EFNA5: variants seen among roughly 807,000 people sequenced by gnomAD.
EFNA5 encodes ephrin-A5.
A neutral mutation model predicts 22.9 loss-of-function variants in EFNA5; 5 were observed. That is an observed-to-expected ratio of 0.22 (90% CI 0.11 to 0.46). EFNA5 has a LOEUF of 0.46. Ranked by LOEUF, EFNA5 falls within the 20% of genes least tolerant of loss-of-function variation. The pLI, the probability that EFNA5 is intolerant of heterozygous loss-of-function variation, is 0.99. For synonymous variants in EFNA5, 113 were observed against 112.2 expected (o/e 1.01, Z -0.04); for missense variants, 237 against 293.3 (o/e 0.81, Z 1.40).
intron 1 of EFNA5, among the ~76,000 whole-genome samples, chr5:107,443,709 G>A (rs974903740): frequency 5.3e-5 from 8 of 152,076 alleles, no homozygotes; most frequent in African/African-American, 7.2e-5. Flanking sequence ...GGGGACTGTC[G>A]GGGGTTGGGT....
chr5:107,631,996 G>T (rs1454394365), intron 1 of EFNA5, among the ~76,000 whole-genome samples: 1 of 152,214 alleles, frequency 6.6e-6, no homozygotes, highest in Admixed American at 6.5e-5. Context: ...ACAGACAGAT[G>T]CTGGCCACAC....
At chr5:107,587,251 T>C (rs1227156800) in intron 1 of EFNA5, among the ~76,000 whole-genome samples, 1 of 152,144 alleles carries the variant, frequency 6.6e-6, no homozygotes, top group Non-Finnish European at 1.5e-5. Flanking sequence ...CTCCTGTCCT[T>C]GTCTCCTCCT....
At chr5:107,576,513 T>A (rs1343607904) in intron 1 of EFNA5, among the ~76,000 whole-genome samples, 1 of 152,168 alleles carries the variant, frequency 6.6e-6, no homozygotes. Flanking sequence ...AAAAAATCCA[T>A]CATCAGGAAC....
chr5:107,440,521 T>C (rs1032981331), intron 1 of EFNA5, among the ~76,000 whole-genome samples: 3 of 152,200 alleles, frequency 2.0e-5, no homozygotes, highest in African/African-American at 7.2e-5. Context: ...GCAAGGTTAA[T>C]GTCAAGACAC....
intron 1 of EFNA5, among the ~76,000 whole-genome samples, chr5:107,553,458 C>T (rs754849041): frequency 1.1e-4 from 17 of 152,192 alleles, no homozygotes; most frequent in Admixed American, 2.0e-4. Flanking sequence ...GCCACAGTCA[C>T]GCCAGGGAAG....
chr5:107,605,643 CT>C (rs1438278156), intron 1 of EFNA5, among the ~76,000 whole-genome samples: 4 of 151,696 alleles, frequency 2.6e-5, no homozygotes, highest in South Asian at 4.2e-4. Flanking sequence ...GCACCTTTCT[CT>C]TTTTTTGGGG....
intron 1 of EFNA5, among the ~76,000 whole-genome samples, chr5:107,468,549 C>T (rs960134383): frequency 1.3e-5 from 2 of 152,186 alleles, no homozygotes; most frequent in African/African-American, 4.8e-5. Flanking sequence ...GGAGGCACTC[C>T]TAGCCTGGAG....
intron 4 of EFNA5, among the ~76,000 whole-genome samples, chr5:107,384,639 T>C (rs1244586701): frequency 6.6e-6 from 1 of 152,112 alleles, no homozygotes; most frequent in Non-Finnish European, 1.5e-5. Flanking sequence ...AGAGACAGAA[T>C]CTTGCTCTGT....
intron 1 of EFNA5, among the ~76,000 whole-genome samples, chr5:107,433,186 T>C (rs1372385155): frequency 6.6e-6 from 1 of 152,182 alleles, no homozygotes; most frequent in Non-Finnish European, 1.5e-5. Context: ...CCTCCCACAT[T>C]GTTCAAGGAT....
At chr5:107,397,229 C>T (rs960938457) in intron 2 of EFNA5, among the ~76,000 whole-genome samples, 4 of 152,046 alleles carry the variant, frequency 2.6e-5, no homozygotes, top group Non-Finnish European at 4.4e-5. Context: ...CCAGCCCTGT[C>T]GGCAGGGTGA....
intron 1 of EFNA5, among the ~76,000 whole-genome samples, chr5:107,530,558 T>G (rs765041664): frequency 1.3e-5 from 2 of 152,240 alleles, no homozygotes; most frequent in Non-Finnish European, 2.9e-5. Flanking sequence ...TGATTTCAAA[T>G]GGCCTGCAGA....
chr5:107,643,929 T>C (rs1009298510), intron 1 of EFNA5, among the ~76,000 whole-genome samples: 2 of 151,992 alleles, frequency 1.3e-5, no homozygotes, highest in Admixed American at 6.6e-5. Flanking sequence ...AGAAAGTCTG[T>C]GTGTGAAAAT....
chr5:107,543,937 G>A (rs1178683505), intron 1 of EFNA5, among the ~76,000 whole-genome samples: 4 of 152,136 alleles, frequency 2.6e-5, no homozygotes, highest in Non-Finnish European at 4.4e-5. Flanking sequence ...GGTGCAGAGC[G>A]GCAGCTCTGC....
Position 107,572,492 on chromosome 5 carries a change from G to T in EFNA5, c.125+97997C>A, listed in dbSNP as rs528818921. 1.8e-4 allele frequency among the ~76,000 whole-genome samples: 27 copies of T among 152,298 alleles called. 1 individual carries two copies. In the South Asian group the frequency reaches 3.5e-3, roughly 20 times the overall value. ...AGCTAGGGAGGAGGGGGCCGCCAAA[G>T]GGAACCTGCCATGAAAAGATTCTTA... On this transcript the variant is annotated intron_variant, in intron 1 of 4. Transcript: ENST00000333274.
intron 4 of EFNA5, among the ~76,000 whole-genome samples, chr5:107,381,622 AC>A (rs1163619162): frequency 2.0e-5 from 3 of 152,220 alleles, no homozygotes; most frequent in Non-Finnish European, 4.4e-5. Context: ...AATTATGCAT[AC>A]ACCGTAACCT....
intron 1 of EFNA5, among the ~76,000 whole-genome samples, chr5:107,444,741 A>G (rs1749346152): frequency 6.6e-6 from 1 of 152,198 alleles, no homozygotes; most frequent in South Asian, 2.1e-4. Flanking sequence ...TGTGTAAGTC[A>G]AACTTAGAAG....
chr5:107,647,583 ATTAAG>A (rs1421231000), intron 1 of EFNA5, among the ~76,000 whole-genome samples: 3 of 152,312 alleles, frequency 2.0e-5, no homozygotes, highest in African/African-American at 7.2e-5. Context: ...TTCAACTTGG[ATTAAG>A]TTAAGTTGAA....
chr5:107,395,052 T>TTTTTTTTTTTC lies in EFNA5; in HGVS notation c.419-7282_419-7281insGAAAAAAAAAA, dbSNP rs1554056358. On this transcript the variant is annotated intron_variant, in intron 2 of 4. Transcript: ENST00000333274. ...TCTAGTTCTTTTTTTTTTTTTTTTTTCCGCGAGACAGTGTCTCATTCTGTC... is the reference window on the plus strand; with the variant it reads ...TCTAGTTCTTTTTTTTTTTTTTTTTTTTTTTTTTTTCCCGCGAGACAGTGTCTCATTCTGTC... Among the ~76,000 whole-genome samples, 1,304 of 144,128 alleles carry TTTTTTTTTTTC rather than the reference T, an allele frequency of 9.0e-3. 43 individuals are homozygous for TTTTTTTTTTTC. Among genetic ancestry groups the TTTTTTTTTTTC allele is most frequent in the Middle Eastern group, 0.014 (4 of 278 alleles). The allele number at this position is 144,128 out of a possible 152,430, so 94.6% of individuals were successfully genotyped here.
intron 1 of EFNA5, among the ~76,000 whole-genome samples, chr5:107,668,745 A>G (rs1397126330): frequency 1.3e-5 from 2 of 151,392 alleles, no homozygotes; most frequent in African/African-American, 4.9e-5. Flanking sequence ...ACAAACGGGG[A>G]AAAAAAACTA....
Sources: gnomAD v4.1 joint callset for allele counts (sites outside exome capture counted in the v4.1 genomes callset) on GRCh38, gnomAD v4.1.1 for gene constraint, MANE v1.5 for transcripts, NCBI Gene and HGNC (gene_info 2026-07-23, HGNC 2026-07-21) for gene names.